Variants in SERPINB7 observed in about 807,000 individuals in gnomAD.
The protein encoded by SERPINB7 is serpin family B member 7.
In SERPINB7, 31 loss-of-function variants were observed where a neutral mutation model predicts 37.4. The ratio of observed to expected loss-of-function variants is 0.83; its 90% confidence interval spans 0.62 to 1.12. The LOEUF (loss-of-function observed/expected upper bound fraction) is 1.12. Ranked by LOEUF, SERPINB7 falls within the 50% of genes most tolerant of loss-of-function variation. The pLI is 0.00. For synonymous variants in SERPINB7, 163 were observed against 166.1 expected (o/e 0.98, Z 0.14); for missense variants, 521 against 455.3 (o/e 1.14, Z -1.31).
At chr18:63,800,817 A>C (rs1422215653) in intron 6 of SERPINB7, 49 bp from the exon 7 acceptor site, 1 of 1,599,038 alleles carries the variant, frequency 6.3e-7, no homozygotes, top group Non-Finnish European at 8.5e-7. Flanking sequence ...TGGTTAATAA[A>C]GTAAAATGAG....
intron 2 of SERPINB7, among the ~76,000 whole-genome samples, chr18:63,789,656 G>A (rs2049406852): frequency 6.6e-6 from 1 of 152,160 alleles, no homozygotes; most frequent in Non-Finnish European, 1.5e-5. Flanking sequence ...CAATTGGGAA[G>A]AGATAACTGC....
rs747175541 is a variant in SERPINB7 at position 63,793,115 on chromosome 18, T to C, written c.220-46T>C. 16 of 1,037,560 alleles carry C rather than the reference T, an allele frequency of 1.5e-5. No individual in the cohort carries two copies. In the Admixed American group the frequency reaches 3.3e-4, roughly 22 times the overall value. 64.3% of individuals were successfully genotyped at this position (1,037,560 alleles called of 1,614,324 possible). A position where few individuals can be genotyped will look rare whatever the true frequency, so the allele number is the denominator to read the frequency against. ...TTATGTGTAAGTGAGATTATGCATA[T>C]CTTTGCAGTCCAAAAATAAATTTTT... On this transcript the variant is annotated intron_variant, in intron 3 of 7. Coordinates refer to ENST00000398019, the MANE Select transcript of SERPINB7 (RefSeq NM_003784.4).
chr18:63,794,828 A>G (rs188537538), intron 4 of SERPINB7, among the ~76,000 whole-genome samples: 1 of 152,356 alleles, frequency 6.6e-6, no homozygotes, highest in African/African-American at 2.4e-5. Context: ...ATCACACACA[A>G]AGCTTGCATT....
rs2049593197 is a variant in SERPINB7, at chr18:63,805,011, T to A, written c.*376T>A. The stretch of plus-strand genomic sequence containing the variant: ...TACAGTTATCGCAGATATTCTAGCT[T>A]CATTGTAAGCAATCTAGGAAATAAG... On this transcript the variant is annotated 3_prime_UTR_variant, in exon 8 of 8. Transcript: ENST00000398019. The A allele has an allele frequency of 5.5e-6, 1 of 180,854 alleles. No individual in the cohort carries two copies. Among genetic ancestry groups the A allele is most frequent in the Admixed American group, 5.5e-5 (1 of 18,036 alleles). 11.2% of individuals were successfully genotyped at this position (180,854 alleles called of 1,614,324 possible).
At chr18:63,759,431 C>A (rs1161882610) in intron 1 of SERPINB7, among the ~76,000 whole-genome samples, 1 of 151,972 alleles carries the variant, frequency 6.6e-6, no homozygotes, top group East Asian at 1.9e-4. Flanking sequence ...TCTCTGGGTG[C>A]ATATGTAGGT....
intron 2 of SERPINB7, among the ~76,000 whole-genome samples, chr18:63,789,245 A>G (rs187123906): frequency 2.6e-5 from 4 of 152,296 alleles, no homozygotes; most frequent in Non-Finnish European, 4.4e-5. Context: ...AAAGAAGGAT[A>G]CAAAGGGACC....
intron 4 of SERPINB7, among the ~76,000 whole-genome samples, chr18:63,794,659 C>T (rs917109359): frequency 2.0e-5 from 3 of 151,928 alleles, no homozygotes; most frequent in Admixed American, 1.3e-4. Flanking sequence ...CACTGCACTC[C>T]GGCCTGGGCG....
chr18:63,794,077 G>A (rs1255444200), intron 4 of SERPINB7, among the ~76,000 whole-genome samples: 1 of 149,988 alleles, frequency 6.7e-6, no homozygotes, highest in Non-Finnish European at 1.5e-5. Context: ...CCAAGTAGCT[G>A]GGATTACAGG....
At chr18:63,800,755 G>A in intron 6 of SERPINB7, 111 bp from the exon 7 acceptor site, 1 of 1,185,592 alleles carries the variant, frequency 8.4e-7, no homozygotes, top group Admixed American at 2.3e-5. Flanking sequence ...AAAATCTGCA[G>A]GGTCAACTGA....
chr18:63,774,742 C>T (rs974763952), upstream of SERPINB7, among the ~76,000 whole-genome samples: 1 of 152,016 alleles, frequency 6.6e-6, no homozygotes, highest in Non-Finnish European at 1.5e-5. Context: ...ATGAACACAC[C>T]AAGTTTCAGC....
chr18:63,797,013 T>C (rs1431186568), intron 5 of SERPINB7, among the ~76,000 whole-genome samples: 2 of 152,206 alleles, frequency 1.3e-5, no homozygotes, highest in Non-Finnish European at 2.9e-5. Context: ...GGTAGTACCT[T>C]CCAGAAAAAG....
intron 1 of SERPINB7, among the ~76,000 whole-genome samples, chr18:63,756,748 A>G (rs2049124100): frequency 6.7e-6 from 1 of 149,638 alleles, no homozygotes; most frequent in Admixed American, 6.6e-5. Flanking sequence ...TTTTCCTCCC[A>G]TATTTCTATT....
chr18:63,799,460 C>A (rs80152165), intron 6 of SERPINB7, among the ~76,000 whole-genome samples: 7,070 of 152,146 alleles, frequency 0.046, 603 homozygotes, highest in African/African-American at 0.16. Flanking sequence ...ATTACTATAT[C>A]ATAATATTGT....
chr18:63,783,500 A>G (rs2049334937), intron 2 of SERPINB7, among the ~76,000 whole-genome samples: 1 of 152,190 alleles, frequency 6.6e-6, no homozygotes, highest in South Asian at 2.1e-4. Context: ...GCACAAAAAC[A>G]TCATAGTACA....
intron 1 of SERPINB7, among the ~76,000 whole-genome samples, chr18:63,758,321 C>A (rs749126120): frequency 1.3e-5 from 2 of 152,174 alleles, no homozygotes; most frequent in African/African-American, 2.4e-5. Flanking sequence ...GAACAGATAT[C>A]TTTTTCCTCA....
rs527651426 is a variant in SERPINB7 at position 63,777,167 on chromosome 18, A to G, written c.-19+1451A>G. Among the ~76,000 whole-genome samples, 27 of 152,180 alleles carry G rather than the reference A, an allele frequency of 1.8e-4. 1 individual carries two copies. The South Asian group carries it at 4.6e-3, about 26-fold the overall frequency. ...GTTCCCCAAATACAGCATAAATACC[A>G]TGTTAGTGATTATACACATACATAG... On this transcript the variant is annotated intron_variant, in intron 1 of 7. Coordinates refer to ENST00000398019, the MANE Select transcript of SERPINB7 (RefSeq NM_003784.4).
At chr18:63,796,657 A>G (rs1185608160) in intron 5 of SERPINB7, among the ~76,000 whole-genome samples, 1 of 152,224 alleles carries the variant, frequency 6.6e-6, no homozygotes, top group Non-Finnish European at 1.5e-5. Flanking sequence ...TATTGTGACC[A>G]CTTCATATAT....
At chr18:63,803,543 T>C (rs1474067422) in intron 7 of SERPINB7, among the ~76,000 whole-genome samples, 1 of 152,190 alleles carries the variant, frequency 6.6e-6, no homozygotes, top group Non-Finnish European at 1.5e-5. Flanking sequence ...GCTTTGTGAA[T>C]TGTTTGTGGG....
intron 1 of SERPINB7, among the ~76,000 whole-genome samples, chr18:63,753,974 G>A (rs934700683): frequency 4.6e-5 from 7 of 152,186 alleles, no homozygotes; most frequent in Non-Finnish European, 7.3e-5. Flanking sequence ...ACAAACTAGA[G>A]TGTGGGCTGC....
Sources: allele counts gnomAD v4.1 joint callset (sites outside exome capture counted in the v4.1 genomes callset), GRCh38; gene constraint gnomAD v4.1.1; transcripts MANE v1.5; gene names NCBI Gene and HGNC (gene_info 2026-07-23, HGNC 2026-07-21).